ABR: variants seen among roughly 807,000 people sequenced by gnomAD.
ABR encodes active breakpoint cluster region-related protein.
ABR carries 35 observed loss-of-function variants against 107.2 expected under a neutral mutation model. The ratio of observed to expected loss-of-function variants is 0.33; its 90% CI spans 0.25 to 0.43. ABR has a LOEUF of 0.43. ABR is among the 20% of genes least tolerant of loss of function. The pLI is 1.00. For missense variants in ABR, 815 were observed against 1,115.2 expected (o/e 0.73, Z 3.83); for synonymous variants, 498 against 462.0 (o/e 1.08, Z -1.00).
chr17:1,127,129 G>A (rs1336881681), intron 1 of ABR, among the ~76,000 whole-genome samples: 1 of 152,218 alleles, frequency 6.6e-6, no homozygotes, highest in Non-Finnish European at 1.5e-5. Context: ...TCTGTCGGCT[G>A]CCTCTCCTCG....
chr17:1,085,535 A>T (rs998193857), intron 4 of ABR, among the ~76,000 whole-genome samples: 1 of 152,208 alleles, frequency 6.6e-6, no homozygotes, highest in Non-Finnish European at 1.5e-5. Flanking sequence ...AACTAATAAC[A>T]GTGTGGATAG....
intron 5 of ABR, among the ~76,000 whole-genome samples, chr17:1,079,724 G>A (rs1251384465): frequency 1.4e-5 from 2 of 144,728 alleles, no homozygotes; most frequent in African/African-American, 5.1e-5. Context: ...GGGAGGCGGA[G>A]GTTGCAGTGA....
At chr17:1,170,534 T>G (rs756341238) in intron 1 of ABR, among the ~76,000 whole-genome samples, 49 of 152,100 alleles carry the variant, frequency 3.2e-4, no homozygotes, top group Non-Finnish European at 5.1e-4. Flanking sequence ...CCTCCCGGAT[T>G]CAAGCAATTC....
intron 2 of ABR, among the ~76,000 whole-genome samples, chr17:1,116,371 T>C (rs936399508): frequency 6.6e-6 from 1 of 152,228 alleles, no homozygotes; most frequent in Non-Finnish European, 1.5e-5. Context: ...TTGCCAACTG[T>C]GTGACCTGGG....
In ABR at chr17:1,078,574, G is replaced by A. The variant is rs185784731; in HGVS notation, c.700+756C>T. The stretch of plus-strand genomic sequence containing the variant: ...GCCCACCAATTCCCCACCGATCCTC[G>A]GGGCCACCTGGACCCCTCCAGCCTG... On this transcript the variant is annotated intron_variant, in intron 6 of 22. Coordinates refer to ENST00000302538, the MANE Select transcript of ABR (RefSeq NM_021962.5). The surrounding 1 kb of genome is among the most constrained non-coding windows in gnomAD (Gnocchi z 7.5). 1.1e-4 allele frequency among the ~76,000 whole-genome samples: 16 copies of A among 152,190 alleles called. No individual in the cohort carries two copies. Among genetic ancestry groups the A allele is most frequent in the Admixed American group, 3.9e-4 (6 of 15,280 alleles).
intron 1 of ABR, among the ~76,000 whole-genome samples, chr17:1,167,875 C>T (rs1267878240): frequency 3.3e-5 from 5 of 152,166 alleles, no homozygotes; most frequent in East Asian, 1.9e-4. Context: ...CGATATCGGC[C>T]GGGCGGGTCG....
At chr17:1,120,646 CCT>C (rs201600476) in intron 2 of ABR, among the ~76,000 whole-genome samples, 1,866 of 152,308 alleles carry the variant, frequency 0.012, 17 homozygotes, top group Middle Eastern at 0.024. Context: ...AGTCTAATCC[CCT>C]GTTTCGATTT....
At chr17:1,038,143 G>A (rs766220562) in intron 16 of ABR, among the ~76,000 whole-genome samples, 9 of 152,134 alleles carry the variant, frequency 5.9e-5, no homozygotes, top group Non-Finnish European at 1.2e-4. Flanking sequence ...TGGGGCTCAC[G>A]TCCCTCCCCG....
chr17:1,153,112 C>T (rs774368311), intron 1 of ABR, among the ~76,000 whole-genome samples: 1 of 152,236 alleles, frequency 6.6e-6, no homozygotes, highest in African/African-American at 2.4e-5. Context: ...GTTTAATCAG[C>T]TGTGATCCAG....
chr17:1,055,666 T>A (rs1360652085), intron 14 of ABR: 1 of 185,122 alleles, frequency 5.4e-6, no homozygotes, highest in East Asian at 1.3e-4. Flanking sequence ...TAGCTGGGAC[T>A]ACAGGCGTCC....
intron 10 of ABR, among the ~76,000 whole-genome samples, chr17:1,062,780 T>C: frequency 6.8e-6 from 1 of 147,624 alleles, no homozygotes. Flanking sequence ...TGCATGTTCC[T>C]CTAGACGCTG....
In ABR at chr17:1,007,083, G is replaced by A. The variant is rs113704333; in HGVS notation, c.2490+82C>T. On this transcript the variant is annotated intron_variant, in intron 22 of 22. Coordinates refer to ENST00000302538, the MANE Select transcript of ABR (RefSeq NM_021962.5). ...GTCACCCTCCGCCAGCCACGGGCCC[G>A]GGCGGTGCCAGGGTACCTGCGCCAT... is the stretch of plus-strand genomic sequence containing the variant. 21 of 260,022 alleles carry A rather than the reference G, an allele frequency of 8.1e-5. No homozygotes were observed. In the African/African-American group the frequency reaches 8.3e-4, roughly 10 times the overall value. The allele number at this position is 260,022 out of a possible 1,614,324, so 16.1% of individuals were successfully genotyped here. A position where few individuals can be genotyped will look rare whatever the true frequency, so the allele number is the denominator to read the frequency against.
chr17:1,116,264 G>A (rs2151418885), intron 2 of ABR, among the ~76,000 whole-genome samples: 1 of 146,676 alleles, frequency 6.8e-6, no homozygotes, highest in African/African-American at 2.6e-5. Context: ...ATGTTGAGGA[G>A]AAGCCGGTAC....
rs140398413 is a variant in ABR, at chr17:1,023,966, G to A, written c.1792-10802C>T. 4.1e-4 allele frequency among the ~76,000 whole-genome samples: 61 copies of A among 147,622 alleles called. 1 individual carries two copies. Among genetic ancestry groups the A allele is most frequent in the African/African-American group, 1.4e-3 (57 of 40,392 alleles). ...CTTGAACCCAGGAGGCGGAGGTTGCGGTGAGCCGAGATTGTGCCATTGTAC... is the reference window on the plus strand; with the variant it reads ...CTTGAACCCAGGAGGCGGAGGTTGCAGTGAGCCGAGATTGTGCCATTGTAC... On this transcript the variant is annotated intron_variant, in intron 16 of 22. Coordinates refer to ENST00000302538, the MANE Select transcript of ABR (RefSeq NM_021962.5).
chr17:1,025,333 C>T (rs2072106289), intron 16 of ABR, among the ~76,000 whole-genome samples: 1 of 152,054 alleles, frequency 6.6e-6, no homozygotes, highest in Non-Finnish European at 1.5e-5. Context: ...AGAACCCAAA[C>T]AAATAAATAA....
intron 16 of ABR, among the ~76,000 whole-genome samples, chr17:1,022,106 C>CAAA (rs759234729): frequency 2.0e-4 from 8 of 39,226 alleles, no homozygotes; most frequent in Non-Finnish European, 3.1e-4. Context: ...GACTCTGTCT[C>CAAA]AAAAAAAAAA....
rs1041332342 is a variant in ABR at position 1,037,928 on chromosome 17, C to G, written c.1791+12122G>C. ...TTCCACAGCTGTCAAATCAGGAGCT[C>G]GGAACAGACACATGGTCTCCGGTGA... On this transcript the variant is annotated intron_variant, in intron 16 of 22. Coordinates refer to ENST00000302538, the MANE Select transcript of ABR (RefSeq NM_021962.5). The surrounding 1 kb of genome is among the most constrained non-coding windows in gnomAD (Gnocchi z 4.6). 6.6e-6 allele frequency among the ~76,000 whole-genome samples: 1 copy of G among 152,180 alleles called. No individual in the cohort carries two copies. Among genetic ancestry groups the G allele is most frequent in the Non-Finnish European group, 1.5e-5 (1 of 68,036 alleles).
At chr17:1,147,552 G>T (rs2151517465) in intron 1 of ABR, among the ~76,000 whole-genome samples, 1 of 152,214 alleles carries the variant, frequency 6.6e-6, no homozygotes, top group Non-Finnish European at 1.5e-5. Context: ...GTAGAGATGG[G>T]ATTTCCCAAT....
At chr17:1,033,190 G>C (rs1346237191) in intron 16 of ABR, among the ~76,000 whole-genome samples, 2 of 152,206 alleles carry the variant, frequency 1.3e-5, no homozygotes, top group Non-Finnish European at 2.9e-5. Context: ...GCCCAGAGAC[G>C]AGCCCTCGGC....
Sources: allele counts gnomAD v4.1 joint callset (sites outside exome capture counted in the v4.1 genomes callset), GRCh38; gene constraint gnomAD v4.1.1; non-coding constraint Gnocchi (gnomAD v3.1); transcripts MANE v1.5; gene names NCBI Gene and HGNC (gene_info 2026-07-23, HGNC 2026-07-21).